LEF1: variants seen among roughly 807,000 people sequenced by gnomAD.
The protein encoded by LEF1 is lymphoid enhancer-binding factor 1.
In LEF1, 14 loss-of-function variants were observed where a neutral mutation model predicts 51.2. The ratio of observed to expected loss-of-function variants is 0.27; its 90% CI spans 0.18 to 0.43. The LOEUF (loss-of-function observed/expected upper bound fraction) is 0.43, where lower values mean the gene tolerates loss of function less well. Among genes scored for constraint, LEF1 ranks in the 20% least tolerant of loss-of-function variants. The pLI is 1.00. For missense variants in LEF1, 386 were observed against 512.0 expected (o/e 0.75, Z 2.37); for synonymous variants, 185 against 183.2 (o/e 1.01, Z -0.08).
rs1578402753 is a variant in LEF1 at position 108,153,312 on chromosome 4, T to G, written c.414+10256A>C. On this transcript the variant is annotated intron_variant, in intron 3 of 11. Transcript: ENST00000265165. ...AAAAGAGGCATGTGGCTTGGTGTTG[T>G]GTTCAATTTAGGAAAATCAAAGGAA... 2.0e-5 allele frequency among the ~76,000 whole-genome samples: 3 copies of G among 152,228 alleles called. No individual in the cohort carries two copies. In the East Asian group the frequency reaches 5.8e-4, roughly 29 times the overall value.
At chr4:108,086,377 A>G (rs1739647752) in intron 4 of LEF1, among the ~76,000 whole-genome samples, 1 of 152,136 alleles carries the variant, frequency 6.6e-6, no homozygotes, top group Non-Finnish European at 1.5e-5. Context: ...CATGAACCAC[A>G]TTGTGCCCAG....
chr4:108,053,696 G>A (rs1737149948), intron 11 of LEF1, among the ~76,000 whole-genome samples: 1 of 152,144 alleles, frequency 6.6e-6, no homozygotes, highest in African/African-American at 2.4e-5. Context: ...CCTCTGTGAG[G>A]ACATGTGTCC....
At chr4:108,083,481 T>G (rs1036595217) in intron 4 of LEF1, 35 bp from the exon 5 acceptor site, 2 of 1,377,264 alleles carry the variant, frequency 1.5e-6, no homozygotes, top group Non-Finnish European at 2.0e-6. Flanking sequence ...CATTTACAGA[T>G]TCACAGGATA....
At chr4:108,137,340 C>CA (rs906429307) in intron 3 of LEF1, among the ~76,000 whole-genome samples, 1 of 152,072 alleles carries the variant, frequency 6.6e-6, no homozygotes, top group African/African-American at 2.4e-5. Context: ...ATGGATACAA[C>CA]AAAATCTCAG....
intron 1 of LEF1, chr4:108,166,691 G>A (rs1745418533): frequency 1.0e-6 from 1 of 996,596 alleles, no homozygotes; most frequent in Non-Finnish European, 1.2e-6. Flanking sequence ...CAGAAGACCC[G>A]ATAAAGCGCC....
In LEF1 at chr4:108,048,446, C is replaced by G. The variant is rs1310461084; in HGVS notation, c.*312G>C. 5.8e-6 allele frequency: 2 copies of G among 345,898 alleles called. No homozygotes were observed. The allele number at this position is 345,898 out of a possible 1,614,324, so 21.4% of individuals were successfully genotyped here. A position where few individuals can be genotyped will look rare whatever the true frequency, so the allele number is the denominator to read the frequency against. On this transcript the variant is annotated 3_prime_UTR_variant, in exon 12 of 12. Coordinates refer to ENST00000265165, the MANE Select transcript of LEF1 (RefSeq NM_016269.5). ...GCACGCAGATATGAGGGGAGAAAAG[C>G]TGCTCAGCTGCCCCACAGCCTGCTA...
intron 9 of LEF1, 30 bp downstream of exon 9, chr4:108,070,633 G>A (rs566645516): frequency 7.0e-7 from 1 of 1,422,316 alleles, no homozygotes; most frequent in Non-Finnish European, 9.9e-7. Context: ...AGTGAGAGTG[G>A]AGAGCCACTG....
chr4:108,050,627 G>GT (rs1368032709), intron 11 of LEF1, among the ~76,000 whole-genome samples: 1 of 152,194 alleles, frequency 6.6e-6, no homozygotes. Flanking sequence ...CAAAGGCTTG[G>GT]TCCAGGTTGC....
In LEF1 at chr4:108,083,348, G is replaced by T. The variant is rs756409545; in HGVS notation, c.638+8C>A. Reference sequence around the variant, plus strand: ...ATGCCTGGCTGAAGGGTGCAGCAAGGTTCTTACCAGCCAAGAGGTGGGGTG... The same window carrying T: ...ATGCCTGGCTGAAGGGTGCAGCAAGTTTCTTACCAGCCAAGAGGTGGGGTG... On this transcript the variant is annotated splice_region_variant and intron_variant, in intron 5 of 11. Transcript: ENST00000265165. 18 of 1,592,708 alleles carry T rather than the reference G, an allele frequency of 1.1e-5. No individual in the cohort carries two copies. The highest frequency in any genetic ancestry group is 1.5e-5 in the Non-Finnish European group (17 of 1,160,440).
At position 108,167,099 on chromosome 4, in the gene LEF1, T is replaced by A. The variant is rs796364393; in HGVS notation, c.213+456A>T. On this transcript the variant is annotated intron_variant, in intron 1 of 11. Coordinates refer to ENST00000265165, the MANE Select transcript of LEF1 (RefSeq NM_016269.5). This position sits in a 1 kb window ranked among gnomAD's most constrained non-coding sequence, Gnocchi z 5.7. Reference sequence around the variant, plus strand: ...CTCTGCTCGTCTCCACCTAAGCCTTTGGTGGTTTAACGCACTTTTGCAGAG... The same window carrying A: ...CTCTGCTCGTCTCCACCTAAGCCTTAGGTGGTTTAACGCACTTTTGCAGAG... Among the ~76,000 whole-genome samples, 20 of 152,302 alleles carry A rather than the reference T, an allele frequency of 1.3e-4. No individual in the cohort carries two copies. The highest frequency in any genetic ancestry group is 4.6e-4 in the African/African-American group (19 of 41,580).
intron 1 of LEF1, 189 bp from the exon 2 acceptor site, chr4:108,165,352 A>G: frequency 1.9e-6 from 1 of 529,732 alleles, no homozygotes; most frequent in Non-Finnish European, 3.4e-6. Context: ...TGTATTTTTG[A>G]GTGATTATTA....
intron 3 of LEF1, among the ~76,000 whole-genome samples, chr4:108,093,092 G>C (rs967698116): frequency 9.2e-5 from 14 of 152,108 alleles, no homozygotes; most frequent in African/African-American, 3.1e-4. Flanking sequence ...GCTTATTTTA[G>C]TTCCTTATTT....
At chr4:108,140,730 T>C (rs1743592923) in intron 3 of LEF1, among the ~76,000 whole-genome samples, 1 of 152,226 alleles carries the variant, frequency 6.6e-6, no homozygotes, top group East Asian at 1.9e-4. Flanking sequence ...AAAATAAAAA[T>C]AAATACCTCG....
chr4:108,115,481 G>T (rs1162073357), intron 3 of LEF1, among the ~76,000 whole-genome samples: 1 of 152,156 alleles, frequency 6.6e-6, no homozygotes, highest in East Asian at 1.9e-4. Context: ...AATAACCCAA[G>T]AATTGGTAAC....
At chr4:108,101,557 A>G (rs1740823764) in intron 3 of LEF1, among the ~76,000 whole-genome samples, 1 of 152,238 alleles carries the variant, frequency 6.6e-6, no homozygotes, top group Non-Finnish European at 1.5e-5. Flanking sequence ...CTACTCTTGC[A>G]TGTAGCAAGA....
At chr4:108,105,257 C>T (rs990310764) in intron 3 of LEF1, among the ~76,000 whole-genome samples, 5 of 151,100 alleles carry the variant, frequency 3.3e-5, no homozygotes, top group Admixed American at 3.3e-4. Flanking sequence ...CTTGGCTCAC[C>T]ACAACCTCTG....
At chr4:108,079,044 G>A (rs1023427825) in intron 7 of LEF1, among the ~76,000 whole-genome samples, 3 of 152,192 alleles carry the variant, frequency 2.0e-5, no homozygotes, top group African/African-American at 7.2e-5. Context: ...GGAATCCTGG[G>A]CTTTATTTGT....
chr4:108,144,550 C>G (rs1406120128), intron 3 of LEF1, among the ~76,000 whole-genome samples: 2 of 152,200 alleles, frequency 1.3e-5, no homozygotes, highest in Non-Finnish European at 2.9e-5. Flanking sequence ...ACAGAGCCTT[C>G]TTTTCAAGCG....
intron 11 of LEF1, among the ~76,000 whole-genome samples, chr4:108,049,646 C>T (rs1736851219): frequency 6.6e-6 from 1 of 152,206 alleles, no homozygotes; most frequent in African/African-American, 2.4e-5. Flanking sequence ...ACCTGGGTCC[C>T]TTGACAGCCT....
Sources: allele counts gnomAD v4.1 joint callset (sites outside exome capture counted in the v4.1 genomes callset), GRCh38; gene constraint gnomAD v4.1.1; non-coding constraint Gnocchi (gnomAD v3.1); transcripts MANE v1.5; gene names NCBI Gene and HGNC (gene_info 2026-07-23, HGNC 2026-07-21).